The following SCHIP1 variants were observed in gnomAD, a reference collection of about 807,000 sequenced individuals.
SCHIP1 encodes schwannomin interacting protein 1.
SCHIP1 carries 8 observed loss-of-function variants against 29.7 expected under a neutral mutation model. The observed-to-expected ratio is 0.27, with a 90% CI of 0.16 to 0.49. SCHIP1 has a LOEUF of 0.49. Ranked by LOEUF, SCHIP1 falls within the 20% of genes least tolerant of loss-of-function variation. The pLI is 0.99. For synonymous variants in SCHIP1, 76 were observed against 94.9 expected (o/e 0.80, Z 1.16); for missense variants, 193 against 294.6 (o/e 0.66, Z 2.52).
chr3:159,793,724 A>G, the SCHIP1 span, among the ~76,000 whole-genome samples: 1 of 152,136 alleles, frequency 6.6e-6, no homozygotes, highest in Non-Finnish European at 1.5e-5. Context: ...AGCCTGGCTA[A>G]TTTTTGTATT....
chr3:159,405,323 G>GAGAT, the SCHIP1 span, among the ~76,000 whole-genome samples: 1 of 152,190 alleles, frequency 6.6e-6, no homozygotes, highest in African/African-American at 2.4e-5. Context: ...CAATCCTGGA[G>GAGAT]AGATAGAGAT....
the SCHIP1 span, among the ~76,000 whole-genome samples, chr3:159,626,103 TAG>T: frequency 1.8e-5 from 2 of 112,340 alleles, no homozygotes; most frequent in East Asian, 2.5e-4. Flanking sequence ...GATAGATAGA[TAG>T]ATAGATAGAT....
the SCHIP1 span, among the ~76,000 whole-genome samples, chr3:159,617,511 C>T: frequency 1.2e-4 from 19 of 152,206 alleles, 1 homozygote; most frequent in Admixed American, 1.1e-3. Flanking sequence ...CAGTCTTCAT[C>T]ACACTCAGAT....
chr3:159,358,842 C>G, the SCHIP1 span, among the ~76,000 whole-genome samples: 1 of 151,680 alleles, frequency 6.6e-6, no homozygotes, highest in East Asian at 1.9e-4. Context: ...TGAGAGACTC[C>G]CTTGGTAATG....
the SCHIP1 span, among the ~76,000 whole-genome samples, chr3:159,680,507 CAAA>C: frequency 1.1e-5 from 1 of 92,742 alleles, no homozygotes; most frequent in African/African-American, 4.3e-5. Context: ...GATCTTGTCT[CAAA>C]AAAAAAATAT....
the SCHIP1 span, among the ~76,000 whole-genome samples, chr3:159,457,608 G>C: frequency 6.6e-6 from 1 of 152,100 alleles, no homozygotes; most frequent in South Asian, 2.1e-4. Context: ...TGATTCAACA[G>C]AGTTATATCA....
the SCHIP1 span, among the ~76,000 whole-genome samples, chr3:159,371,529 A>G: frequency 6.6e-6 from 1 of 152,214 alleles, no homozygotes; most frequent in Non-Finnish European, 1.5e-5. Flanking sequence ...GGCATTCCCT[A>G]CATCACAGTG....
chr3:159,712,365 A>G, the SCHIP1 span, among the ~76,000 whole-genome samples: 1 of 152,248 alleles, frequency 6.6e-6, no homozygotes, highest in African/African-American at 2.4e-5. Flanking sequence ...AATGCTGGCA[A>G]TTAATTCAAT....
the SCHIP1 span, among the ~76,000 whole-genome samples, chr3:159,680,725 T>TTA: frequency 1.4e-5 from 1 of 71,564 alleles, no homozygotes. Flanking sequence ...TATATGTATA[T>TTA]ATATAATATA....
the SCHIP1 span, among the ~76,000 whole-genome samples, chr3:159,799,208 C>T: frequency 1.1e-3 from 168 of 152,324 alleles, no homozygotes; most frequent in African/African-American, 3.9e-3. Context: ...TAGATGTGCA[C>T]ACCACTGGGG....
At chr3:159,342,144 A>G in the SCHIP1 span, among the ~76,000 whole-genome samples, 3 of 152,108 alleles carry the variant, frequency 2.0e-5, no homozygotes, top group African/African-American at 7.2e-5. Context: ...CTCAGTTCCA[A>G]TCCCCTTTCT....
At chr3:159,425,738 C>T in the SCHIP1 span, among the ~76,000 whole-genome samples, 4 of 152,206 alleles carry the variant, frequency 2.6e-5, no homozygotes. Flanking sequence ...ATAGAATATA[C>T]ATTTTGTTCA....
chr3:159,304,233 A>AT, the SCHIP1 span, among the ~76,000 whole-genome samples: 1 of 152,108 alleles, frequency 6.6e-6, no homozygotes, highest in African/African-American at 2.4e-5. Flanking sequence ...TACTATAAGT[A>AT]TTTTCCATGT....
chr3:159,728,952 C>T, the SCHIP1 span, among the ~76,000 whole-genome samples: 1 of 152,140 alleles, frequency 6.6e-6, no homozygotes, highest in Non-Finnish European at 1.5e-5. Context: ...GAGTTCAAGA[C>T]CAGCCTGGCC....
chr3:159,482,619 T>A, the SCHIP1 span, among the ~76,000 whole-genome samples: 2 of 152,220 alleles, frequency 1.3e-5, no homozygotes, highest in Non-Finnish European at 2.9e-5. Flanking sequence ...AAATAGTTTG[T>A]CTCAATCTTG....
At chr3:159,484,633 A>G in the SCHIP1 span, among the ~76,000 whole-genome samples, 2 of 152,164 alleles carry the variant, frequency 1.3e-5, no homozygotes, top group African/African-American at 4.8e-5. Context: ...TGAAAAGTCA[A>G]ACGAGAAACT....
chr3:159,492,297 T>A, the SCHIP1 span, among the ~76,000 whole-genome samples: 1 of 152,078 alleles, frequency 6.6e-6, no homozygotes, highest in Admixed American at 6.6e-5. Flanking sequence ...AAGATCAAAC[T>A]ACTCCAAGCT....
At chr3:159,417,772 A>G in the SCHIP1 span, among the ~76,000 whole-genome samples, 1 of 152,196 alleles carries the variant, frequency 6.6e-6, no homozygotes, top group African/African-American at 2.4e-5. Context: ...ATGGGATGTT[A>G]GCAGAATTGA....
the SCHIP1 span, among the ~76,000 whole-genome samples, chr3:159,525,780 C>G: frequency 6.6e-6 from 1 of 152,218 alleles, no homozygotes; most frequent in Non-Finnish European, 1.5e-5. Flanking sequence ...TCCTAATGGG[C>G]AGGCCGAGGG....
Sources: allele counts gnomAD v4.1 joint callset (sites outside exome capture counted in the v4.1 genomes callset), GRCh38; gene constraint gnomAD v4.1.1; transcripts MANE v1.5; gene names NCBI Gene and HGNC (gene_info 2026-07-23, HGNC 2026-07-21).